Variants in ATG7 observed in about 807,000 individuals in gnomAD.
ATG7 encodes ubiquitin-like modifier-activating enzyme ATG7.
A neutral mutation model predicts 82.4 loss-of-function variants in ATG7; 70 were observed. The ratio of observed to expected loss-of-function variants is 0.85; its 90% CI spans 0.70 to 1.04. The LOEUF (loss-of-function observed/expected upper bound fraction) is 1.04. ATG7 is among the 50% of genes least tolerant of loss of function. The pLI is 0.00. For missense variants in ATG7, 792 were observed against 864.3 expected, an observed-to-expected ratio of 0.92 and a Z score of 1.05; for synonymous variants, 287 against 313.0, an observed-to-expected ratio of 0.92 and a Z score of 0.88.
At chr3:11,527,714 T>G (rs1194330262) in intron 20 of ATG7, among the ~76,000 whole-genome samples, 1 of 152,236 alleles carries the variant, frequency 6.6e-6, no homozygotes, top group Non-Finnish European at 1.5e-5. Flanking sequence ...TTAACTGCTT[T>G]AAGATTTGCC....
chr3:11,285,959 C>T (rs529655528), intron 3 of ATG7, among the ~76,000 whole-genome samples: 18 of 152,354 alleles, frequency 1.2e-4, no homozygotes, highest in African/African-American at 4.3e-4. Flanking sequence ...CAGTCTGGGA[C>T]AGCTCCTTGT....
At chr3:11,440,654 G>A (rs1345274054) in intron 20 of ATG7, among the ~76,000 whole-genome samples, 1 of 133,016 alleles carries the variant, frequency 7.5e-6, no homozygotes, top group Non-Finnish European at 1.6e-5. Context: ...ACAATTTAGG[G>A]AAGAGTTGGT....
intron 18 of ATG7, among the ~76,000 whole-genome samples, chr3:11,377,897 T>C (rs752760478): frequency 1.3e-5 from 2 of 152,140 alleles, no homozygotes; most frequent in Non-Finnish European, 2.9e-5. Context: ...AATAGCAAAC[T>C]TATGACCCTG....
At chr3:11,559,354 G>C (rs1311743990), downstream of ATG7, 5 of 1,549,138 alleles carry the variant, frequency 3.2e-6, no homozygotes, top group South Asian at 4.8e-5. Context: ...TCCGGTAGCT[G>C]GCAGGCCCGG....
intron 19 of ATG7, among the ~76,000 whole-genome samples, chr3:11,417,779 TA>T (rs1239751376): frequency 7.1e-6 from 1 of 141,744 alleles, no homozygotes; most frequent in African/African-American, 2.6e-5. Flanking sequence ...TACCAGCATT[TA>T]AAAAATTATT....
chr3:11,428,097 C>A (rs898103448), intron 20 of ATG7, among the ~76,000 whole-genome samples: 5 of 152,186 alleles, frequency 3.3e-5, no homozygotes, highest in African/African-American at 1.2e-4. Context: ...TTTTAAGTTG[C>A]AATTCTTCCC....
At chr3:11,409,473 G>C (rs2080685095) in intron 19 of ATG7, among the ~76,000 whole-genome samples, 1 of 152,236 alleles carries the variant, frequency 6.6e-6, no homozygotes, top group South Asian at 2.1e-4. Context: ...TTTAAGGGAG[G>C]CTAGGGTAGG....
At chr3:11,572,222 A>T in the ATG7 span, among the ~76,000 whole-genome samples, 4 of 152,192 alleles carry the variant, frequency 2.6e-5, no homozygotes, top group Non-Finnish European at 5.9e-5. Flanking sequence ...CATCTTAGTA[A>T]ATTCACTGCC....
At chr3:11,413,107 G>A (rs979677284) in intron 19 of ATG7, among the ~76,000 whole-genome samples, 1 of 152,072 alleles carries the variant, frequency 6.6e-6, no homozygotes, top group Non-Finnish European at 1.5e-5. Flanking sequence ...CATATCATTT[G>A]CAAGCAGAAA....
rs373721865 is a variant in ATG7, at chr3:11,311,326, G to A, written c.412-1978G>A. Among the ~76,000 whole-genome samples, 4 of 152,196 alleles carry A rather than the reference G, an allele frequency of 2.6e-5. No individual in the cohort carries two copies. In the South Asian group the frequency reaches 6.2e-4, roughly 24 times the overall value. ...TTCTTAGAATTCGTGAGGTCCGGCC[G>A]GGTGCAGTGGTTCATGCCTGTAATT... On this transcript the variant is annotated intron_variant, in intron 7 of 20. Transcript: ENST00000693202.
At chr3:11,358,709 G>A in intron 15 of ATG7, 97 bp downstream of exon 15, 1 of 1,344,862 alleles carries the variant, frequency 7.4e-7, no homozygotes, top group South Asian at 1.4e-5. Flanking sequence ...CAGAGATGTG[G>A]TTTGTGTGAC....
intron 18 of ATG7, among the ~76,000 whole-genome samples, chr3:11,373,877 GT>G (rs1465133817): frequency 6.6e-6 from 1 of 152,140 alleles, no homozygotes; most frequent in African/African-American, 2.4e-5. Context: ...GCAAGTCAGA[GT>G]TTTTCTTGTG....
chr3:11,573,277 AAGAAAGAAAGAAAGAAAGAAAGAAAG>A, the ATG7 span, among the ~76,000 whole-genome samples: 13 of 23,442 alleles, frequency 5.5e-4, 1 homozygote, highest in Non-Finnish European at 9.5e-5. Flanking sequence ...GAAAGAAAGA[AAGAAAGAAAGAAAGAAAGAAAGAAAG>A]AAAGGAAGGA....
chr3:11,541,374 C>T (rs1575257444), intron 20 of ATG7, among the ~76,000 whole-genome samples: 1 of 152,200 alleles, frequency 6.6e-6, no homozygotes, highest in Non-Finnish European at 1.5e-5. Context: ...TTGAAAGTCA[C>T]CTGCCCGTGT....
chr3:11,377,087 G>A (rs189514735), intron 18 of ATG7, among the ~76,000 whole-genome samples: 15 of 152,294 alleles, frequency 9.8e-5, no homozygotes, highest in Admixed American at 5.9e-4. Flanking sequence ...AAAATGACAG[G>A]CCTCAGAGCT....
At chr3:11,340,494 C>T in intron 11 of ATG7, 151 bp from the exon 12 acceptor site, 1 of 589,884 alleles carries the variant, frequency 1.7e-6, no homozygotes, top group Non-Finnish European at 2.9e-6. Context: ...AAATTCAGGC[C>T]CTCAAGTCTC....
intron 18 of ATG7, among the ~76,000 whole-genome samples, chr3:11,378,577 C>G (rs965571282): frequency 4.1e-5 from 6 of 145,128 alleles, no homozygotes; most frequent in African/African-American, 1.5e-4. Context: ...TCCAGCTACT[C>G]GGGAGGCTGA....
chr3:11,310,861 T>C (rs559491341), intron 7 of ATG7, among the ~76,000 whole-genome samples: 67 of 152,264 alleles, frequency 4.4e-4, no homozygotes, highest in African/African-American at 1.5e-3. Context: ...CTTGATCTCC[T>C]GACCTCGTGA....
At chr3:11,544,665 C>T (rs1005783582) in intron 20 of ATG7, among the ~76,000 whole-genome samples, 11 of 152,238 alleles carry the variant, frequency 7.2e-5, no homozygotes, top group African/African-American at 2.2e-4. Context: ...AAGGGCCTGA[C>T]GTGCTGGAGT....
Sources: gnomAD v4.1 joint callset for allele counts (sites outside exome capture counted in the v4.1 genomes callset) on GRCh38, gnomAD v4.1.1 for gene constraint, MANE v1.5 for transcripts, NCBI Gene and HGNC (gene_info 2026-07-23, HGNC 2026-07-21) for gene names.